Variants in FSTL4 observed in about 807,000 individuals in gnomAD.
FSTL4 encodes the protein follistatin-related protein 4.
FSTL4 carries 28 observed loss-of-function variants against 78.2 expected under a neutral mutation model. The ratio of observed to expected loss-of-function variants is 0.36; its 90% CI spans 0.27 to 0.49. The LOEUF (loss-of-function observed/expected upper bound fraction) is 0.49, where lower values mean the gene tolerates loss of function less well. Among genes scored for constraint, FSTL4 ranks in the 20% least tolerant of loss-of-function variants. The pLI is 0.98. For synonymous variants in FSTL4, 422 were observed against 440.5 expected, an observed-to-expected ratio of 0.96 and a Z score of 0.53; for missense variants, 922 against 1,084.9, an observed-to-expected ratio of 0.85 and a Z score of 2.11.
At chr5:133,532,045 A>T (rs1759265158) in intron 3 of FSTL4, among the ~76,000 whole-genome samples, 1 of 152,204 alleles carries the variant, frequency 6.6e-6, no homozygotes, top group South Asian at 2.1e-4. Flanking sequence ...AGGATCTTGG[A>T]TGGAAAAATT....
At chr5:133,474,772 C>T (rs568536552) in intron 3 of FSTL4, among the ~76,000 whole-genome samples, 153 of 152,360 alleles carry the variant, frequency 1.0e-3, no homozygotes, top group African/African-American at 3.5e-3. Flanking sequence ...TATCTCTCCT[C>T]TGTCTTAGCA....
chr5:133,807,423 A>G, the FSTL4 span, among the ~76,000 whole-genome samples: 2 of 152,324 alleles, frequency 1.3e-5, no homozygotes, highest in South Asian at 4.1e-4. Flanking sequence ...TATGGGGTCA[A>G]GGGGGCTCCT....
chr5:133,557,395 T>G (rs2112934129), intron 3 of FSTL4, among the ~76,000 whole-genome samples: 1 of 152,338 alleles, frequency 6.6e-6, no homozygotes, highest in South Asian at 2.1e-4. Context: ...GACGTTAATA[T>G]GCTTAGAGAA....
chr5:133,337,148 A>G (rs1161879143), intron 4 of FSTL4, among the ~76,000 whole-genome samples: 3 of 152,202 alleles, frequency 2.0e-5, no homozygotes, highest in Admixed American at 2.0e-4. Context: ...AGAGCCCCCA[A>G]CCTGCCCTTG....
the FSTL4 span, among the ~76,000 whole-genome samples, chr5:133,656,584 C>A: frequency 6.6e-6 from 1 of 152,036 alleles, no homozygotes; most frequent in Non-Finnish European, 1.5e-5. Flanking sequence ...GGACATCACA[C>A]GTCAAGTCTC....
intron 3 of FSTL4, among the ~76,000 whole-genome samples, chr5:133,429,431 C>T (rs771574837): frequency 2.0e-5 from 3 of 151,944 alleles, no homozygotes; most frequent in African/African-American, 7.3e-5. Context: ...AGGATTCTAC[C>T]CCAGGACTGC....
chr5:133,421,625 C>A (rs111342372), intron 3 of FSTL4, among the ~76,000 whole-genome samples: 1 of 152,236 alleles, frequency 6.6e-6, no homozygotes, highest in Non-Finnish European at 1.5e-5. Context: ...CCATTTCCAA[C>A]GCCTTATGTG....
rs1750189614 is a variant in FSTL4 at position 133,197,842 on chromosome 5, T to C, written c.*1253A>G. ...AGAGGGCTATGTGGGTTGTACTTCTTCGATGCCCATGTGAGAGTCACCACA... is the reference window on the plus strand; with the variant it reads ...AGAGGGCTATGTGGGTTGTACTTCTCCGATGCCCATGTGAGAGTCACCACA... On this transcript the variant is annotated 3_prime_UTR_variant, in exon 16 of 16. Transcript: ENST00000265342. 1 of 152,200 alleles carries C rather than the reference T, an allele frequency of 6.6e-6. No individual in the cohort carries two copies. Among genetic ancestry groups the C allele is most frequent in the Non-Finnish European group, 1.5e-5 (1 of 68,078 alleles). 9.4% of individuals were successfully genotyped at this position (152,200 alleles called of 1,614,324 possible). A position where few individuals can be genotyped will look rare whatever the true frequency, so the allele number is the denominator to read the frequency against.
chr5:133,349,366 C>T (rs1322723908), intron 4 of FSTL4, among the ~76,000 whole-genome samples: 1 of 150,460 alleles, frequency 6.6e-6, no homozygotes, highest in Non-Finnish European at 1.5e-5. Context: ...CCTGTAGCCC[C>T]ATCTCTCTGA....
intron 3 of FSTL4, among the ~76,000 whole-genome samples, chr5:133,455,437 C>T (rs1757468565): frequency 6.6e-6 from 1 of 151,948 alleles, no homozygotes; most frequent in Non-Finnish European, 1.5e-5. Context: ...GCAACTGCTA[C>T]CGATAACACA....
the FSTL4 span, among the ~76,000 whole-genome samples, chr5:133,667,397 A>C: frequency 6.6e-6 from 1 of 152,196 alleles, no homozygotes; most frequent in African/African-American, 2.4e-5. Flanking sequence ...CTGCAGCCAG[A>C]GTGGTCCTTT....
At chr5:133,527,972 G>T (rs1226221332) in intron 3 of FSTL4, among the ~76,000 whole-genome samples, 4 of 152,200 alleles carry the variant, frequency 2.6e-5, no homozygotes, top group African/African-American at 9.7e-5. Context: ...GCTCCTCCAA[G>T]CCAGATGCCT....
At chr5:133,466,972 G>A (rs76762708) in intron 3 of FSTL4, among the ~76,000 whole-genome samples, 1 of 151,540 alleles carries the variant, frequency 6.6e-6, no homozygotes, top group South Asian at 2.1e-4. Flanking sequence ...GTGTGTGTAT[G>A]TGTATGAGTG....
chr5:133,813,246 A>C, the FSTL4 span, among the ~76,000 whole-genome samples: 4 of 152,258 alleles, frequency 2.6e-5, no homozygotes, highest in Admixed American at 6.5e-5. Context: ...ACGTGAAATA[A>C]ATTTCAATAA....
intron 3 of FSTL4, among the ~76,000 whole-genome samples, chr5:133,429,185 T>A (rs1189745128): frequency 6.6e-6 from 1 of 152,138 alleles, no homozygotes; most frequent in Non-Finnish European, 1.5e-5. Context: ...AATCTGCTCG[T>A]AGGACGCCCA....
intron 14 of FSTL4, among the ~76,000 whole-genome samples, chr5:133,204,024 G>A (rs935506079): frequency 6.6e-6 from 1 of 152,226 alleles, no homozygotes; most frequent in Admixed American, 6.5e-5. Flanking sequence ...GCTTGGTACA[G>A]GAGATGCATG....
At chr5:133,717,669 T>C in the FSTL4 span, among the ~76,000 whole-genome samples, 1 of 152,232 alleles carries the variant, frequency 6.6e-6, no homozygotes, top group African/African-American at 2.4e-5. Flanking sequence ...AAATAAAACA[T>C]TACAGTGCCT....
chr5:133,205,783 T>TAATC (rs34850790), intron 14 of FSTL4, among the ~76,000 whole-genome samples: 11 of 151,908 alleles, frequency 7.2e-5, no homozygotes, highest in African/African-American at 2.4e-4. Flanking sequence ...TCTTTGTTTG[T>TAATC]AATCAATCAC....
At chr5:133,396,244 T>G (rs147151729) in intron 4 of FSTL4, among the ~76,000 whole-genome samples, 1 of 152,214 alleles carries the variant, frequency 6.6e-6, no homozygotes, top group Non-Finnish European at 1.5e-5. Flanking sequence ...CTGTTGACAC[T>G]GCGTAGAGAA....
Sources: allele counts gnomAD v4.1 joint callset (sites outside exome capture counted in the v4.1 genomes callset), GRCh38; gene constraint gnomAD v4.1.1; transcripts MANE v1.5; gene names NCBI Gene and HGNC (gene_info 2026-07-23, HGNC 2026-07-21).